The following IRAG2 variants were observed in gnomAD, a reference collection of about 807,000 sequenced individuals.
IRAG2 encodes inositol 1,4,5-triphosphate receptor associated 2.
Under a neutral mutation model 69.9 loss-of-function variants are expected in IRAG2, and 45 were observed. The observed-to-expected ratio is 0.64, with a 90% CI of 0.51 to 0.83. The LOEUF (loss-of-function observed/expected upper bound fraction) is 0.83, where lower values mean the gene tolerates loss of function less well. Ranked by LOEUF, IRAG2 falls within the 40% of genes least tolerant of loss-of-function variation. The probability of loss-of-function intolerance (pLI) is 0.00; values close to 1 mark genes in which losing one functional copy is unlikely to be tolerated. For synonymous variants in IRAG2, 193 were observed against 202.4 expected (o/e 0.95, Z 0.40); for missense variants, 520 against 587.0 (o/e 0.89, Z 1.18).
chr12:25,081,752 A>G (rs1486631129), intron 9 of IRAG2, among the ~76,000 whole-genome samples: 1 of 152,256 alleles, frequency 6.6e-6, no homozygotes, highest in African/African-American at 2.4e-5. Context: ...TCCATGTAAT[A>G]GAATACTAAT....
Position 25,022,644 on chromosome 12 carries a change from G to A in IRAG2, c.1333-1227G>A, listed in dbSNP as rs1017161368. ...AATCTGTAAGGTAGAAACAGAAGTT[G>A]CTATATTTTTGTGTACTAAAAAATG... is the stretch of plus-strand genomic sequence containing the variant. On this transcript the variant is annotated intron_variant, in intron 7 of 38. Coordinates refer to the IRAG2 transcript ENST00000636465. 3.3e-5 allele frequency among the ~76,000 whole-genome samples: 5 copies of A among 152,304 alleles called. No individual in the cohort carries two copies. The South Asian group carries it at 1.0e-3, about 32-fold the overall frequency.
At chr12:25,032,719 T>C (rs1944677363) in intron 12 of IRAG2, among the ~76,000 whole-genome samples, 1 of 152,194 alleles carries the variant, frequency 6.6e-6, no homozygotes, top group Non-Finnish European at 1.5e-5. Context: ...TGTACAAGCA[T>C]GGAGGAAAAG....
intron 16 of IRAG2, among the ~76,000 whole-genome samples, chr12:25,039,692 A>C (rs947461860): frequency 1.3e-5 from 2 of 152,150 alleles, no homozygotes; most frequent in African/African-American, 4.8e-5. Flanking sequence ...GGCCTCCCAA[A>C]GTGCTGGGAT....
chr12:25,054,385 C>T (rs996537051), intron 1 of IRAG2, among the ~76,000 whole-genome samples: 9 of 152,268 alleles, frequency 5.9e-5, no homozygotes, highest in Admixed American at 1.3e-4. Context: ...CCAGTTTTGC[C>T]TTTTGATTAA....
In IRAG2 at chr12:25,029,667, G is replaced by GT. The variant is rs36093595; in HGVS notation, c.1462-599dup. ...GAAATCTTAAGCATTGTTACAATAT[G>GT]TTTTTTTTTTTTATTTAAATTTTAG... On this transcript the variant is annotated intron_variant, in intron 9 of 38. Transcript: ENST00000636465. Among the ~76,000 whole-genome samples the GT allele has an allele frequency of 1.8e-3, 256 of 145,518 alleles. 1 individual carries two copies. The highest frequency in any genetic ancestry group is 4.0e-3 in the African/African-American group (152 of 37,906).
chr12:25,080,355 C>A (rs914987546), intron 9 of IRAG2, among the ~76,000 whole-genome samples: 7 of 141,052 alleles, frequency 5.0e-5, no homozygotes, highest in Non-Finnish European at 7.6e-5. Context: ...TTTCTTTTAT[C>A]TTTTTTTTTT....
intron 5 of IRAG2, among the ~76,000 whole-genome samples, chr12:25,067,121 G>A (rs184593622): frequency 6.6e-6 from 1 of 152,262 alleles, no homozygotes; most frequent in Non-Finnish European, 1.5e-5. Context: ...AACATAGGTA[G>A]ATTTTGATCA....
chr12:25,069,519 T>A, intron 6 of IRAG2, 88 bp downstream of exon 6: 5 of 1,237,016 alleles, frequency 4.0e-6, no homozygotes, highest in Non-Finnish European at 5.8e-6. Flanking sequence ...CTGTCTTTTT[T>A]ATTTTTTAAG....
At chr12:25,021,604 T>C (rs1944581627) in intron 7 of IRAG2, among the ~76,000 whole-genome samples, 1 of 152,186 alleles carries the variant, frequency 6.6e-6, no homozygotes, top group Non-Finnish European at 1.5e-5. Context: ...TCATTTTTAT[T>C]GAGAAGGTTC....
At chr12:25,052,435 A>G (rs1440502274), upstream of IRAG2, 5 of 396,698 alleles carry the variant, frequency 1.3e-5, no homozygotes, top group East Asian at 3.6e-5. Context: ...AGGAGGAACA[A>G]CAACAACAAA....
At chr12:25,057,192 C>G (rs550498424) in intron 1 of IRAG2, among the ~76,000 whole-genome samples, 63 of 149,612 alleles carry the variant, frequency 4.2e-4, no homozygotes, top group Non-Finnish European at 8.7e-4. Flanking sequence ...TGTTAGTACT[C>G]TGGTTACAGT....
chr12:25,053,150 A>G (rs1944961498), intron 1 of IRAG2, among the ~76,000 whole-genome samples, 194 bp downstream of exon 1: 1 of 152,012 alleles, frequency 6.6e-6, no homozygotes, highest in African/African-American at 2.4e-5. Context: ...GGGTTTAACC[A>G]TTAACTTCCC....
chr12:25,019,324 A>G (rs1944557533), intron 6 of IRAG2, among the ~76,000 whole-genome samples: 1 of 152,228 alleles, frequency 6.6e-6, no homozygotes, highest in African/African-American at 2.4e-5. Flanking sequence ...GTTCTTGTCC[A>G]ACATCCAGGA....
Position 25,079,281 on chromosome 12 carries a change from T to A in IRAG2, c.62T>A (p.Leu21Gln), listed in dbSNP as rs1307217185. Residue 21 changes from leucine to glutamine, a missense_variant, in exon 7 of 22, where the codon CTG (leucine) becomes CAG (glutamine). Physicochemically the swap from Leu to Gln is moderately radical, Grantham distance 113. Coordinates refer to ENST00000556887, the MANE Select transcript of IRAG2 (RefSeq NM_001366544.2). ...GVERVCPESL[L>Q]QSREYSSLPL... ...GAACGCGTGTGTCCTGAGAGCCTGCTGCAGTCCAGGTTTGCTTGTTTGTGT... is the reference window on the plus strand; with the variant it reads ...GAACGCGTGTGTCCTGAGAGCCTGCAGCAGTCCAGGTTTGCTTGTTTGTGT... 6.2e-7 allele frequency: 1 copy of A among 1,614,130 alleles called. No individual in the cohort carries two copies. The highest frequency in any genetic ancestry group is 1.3e-5 in the African/African-American group (1 of 75,050).
In IRAG2 at chr12:25,061,592, C is replaced by A; in HGVS notation, c.-446C>A. ...AGCTGGTTATAAATTCTCTTTGTAG[C>A]AACAATTGAGTCACTTCAAAAGGAG... On this transcript the variant is annotated splice_region_variant and 5_prime_UTR_variant, in exon 2 of 22. Transcript: ENST00000556887. 1 of 398,536 alleles carries A rather than the reference C, an allele frequency of 2.5e-6. No individual in the cohort carries two copies. Among genetic ancestry groups the A allele is most frequent in the Non-Finnish European group, 4.4e-6 (1 of 226,042 alleles). The allele number at this position is 398,536 out of a possible 1,614,324, so 24.7% of individuals were successfully genotyped here. A position where few individuals can be genotyped will look rare whatever the true frequency, so the allele number is the denominator to read the frequency against.
chr12:25,090,134 G>T lies in IRAG2; in HGVS notation c.543G>T (p.Arg181Ser), dbSNP rs768264356. Reference protein sequence around the residue: ...TLEKRVKLEERSRDLAEENLK... With the variant: ...TLEKRVKLEESSRDLAEENLK... ...AGAAGAGAGTGAAGCTTGAAGAGAG[G>T]TCCCGTGACTTGGCAGAAGAAAATT... The change falls in exon 14 of 22, where the codon AGG (arginine) becomes AGT (serine). Residue 181 changes from arginine to serine, a missense_variant. Arg to Ser is a moderately radical substitution (Grantham distance 110, BLOSUM62 -1). Transcript: ENST00000556887. 1 of 1,613,714 alleles carries T rather than the reference G, an allele frequency of 6.2e-7. No homozygotes were observed. Among genetic ancestry groups the T allele is most frequent in the South Asian group, 1.1e-5 (1 of 91,080 alleles).
chr12:25,093,434 T>C (rs12310887), intron 14 of IRAG2: 15,760 of 152,994 alleles, frequency 0.1, 2,103 homozygotes, highest in African/African-American at 0.31. Context: ...CCTCGTGTTG[T>C]TGGGTCTTTA....
At chr12:25,082,987 C>T (rs942352179) in intron 9 of IRAG2, among the ~76,000 whole-genome samples, 1 of 151,994 alleles carries the variant, frequency 6.6e-6, no homozygotes, top group Non-Finnish European at 1.5e-5. Flanking sequence ...AGAAAGCTAC[C>T]ATGTTTTAGA....
intron 2 of IRAG2, among the ~76,000 whole-genome samples, chr12:25,008,230 A>G (rs1428116462): frequency 6.6e-6 from 1 of 152,142 alleles, no homozygotes; most frequent in African/African-American, 2.4e-5. Flanking sequence ...GTTATGAACT[A>G]TTTTGCTATA....
Sources: gnomAD v4.1 joint callset for allele counts (sites outside exome capture counted in the v4.1 genomes callset) on GRCh38, gnomAD v4.1.1 for gene constraint, MANE v1.5 for transcripts, NCBI Gene and HGNC (gene_info 2026-07-23, HGNC 2026-07-21) for gene names.